ESPNL: variants seen among roughly 807,000 people sequenced by gnomAD.
The protein encoded by ESPNL is espin-like protein.
ESPNL carries 49 observed loss-of-function variants against 46.8 expected under a neutral mutation model. The ratio of observed to expected loss-of-function variants is 1.05; its 90% confidence interval spans 0.83 to 1.33. The LOEUF (loss-of-function observed/expected upper bound fraction) is 1.33. Ranked by LOEUF, ESPNL falls within the 40% of genes most tolerant of loss-of-function variation. The pLI, the probability that ESPNL is intolerant of heterozygous loss-of-function variation, is 0.00. For missense variants in ESPNL, 1,540 were observed against 1,436.6 expected (o/e 1.07, Z -1.16); for synonymous variants, 664 against 662.1 (o/e 1.00, Z -0.04).
At chr2:238,116,483 A>G (rs12692213) in intron 4 of ESPNL, among the ~76,000 whole-genome samples, 28,979 of 152,204 alleles carry the variant, frequency 0.19, 3,015 homozygotes, top group African/African-American at 0.27. Flanking sequence ...TGTGGCAGGA[A>G]GTAGCCCTGA....
In ESPNL at chr2:238,104,671, G is replaced by A. The variant is rs762448923; in HGVS notation, c.501G>A (p.Arg167=). The change falls in exon 3 of 9, where the codon CGG becomes CGA. Residue 167 remains arginine, a synonymous_variant. Coordinates refer to ENST00000343063, the MANE Select transcript of ESPNL (RefSeq NM_194312.4). ...TAAHGSSVNR[R]TRSGASPLYL... Reference sequence around the variant, plus strand: ...TTCCCTGCAGCAGCGTGAACCGGCGGACACGCAGTGGCGCCTCCCCACTCT... The same window carrying A: ...TTCCCTGCAGCAGCGTGAACCGGCGAACACGCAGTGGCGCCTCCCCACTCT... 10 of 1,596,818 alleles carry A rather than the reference G, an allele frequency of 6.3e-6. No individual in the cohort carries two copies. Among genetic ancestry groups the A allele is most frequent in the Admixed American group, 1.7e-5 (1 of 58,802 alleles).
Position 238,129,093 on chromosome 2 carries a change from C to T in ESPNL, c.1413+189C>T, listed in dbSNP as rs567316276. The T allele has an allele frequency of 5.6e-5, 79 of 1,422,732 alleles. No homozygotes were observed. In the African/African-American group the frequency reaches 1.0e-3, roughly 19 times the overall value. The allele number at this position is 1,422,732 out of a possible 1,614,324, so 88.1% of individuals were successfully genotyped here. A position where few individuals can be genotyped will look rare whatever the true frequency, so the allele number is the denominator to read the frequency against. On this transcript the variant is annotated intron_variant, in intron 8 of 8. Coordinates refer to ENST00000343063, the MANE Select transcript of ESPNL (RefSeq NM_194312.4). ...TGACCAGAGGACTCTGAGCAGAGCC[C>T]CTTCACCTGCTCTGGAGGCATGGGT...
rs1211633142 is a variant in ESPNL, at chr2:238,118,608, GTGGATGGAGGAGGGTGGATGGAGGAGGAA to G, written c.987+1587_987+1615del. Among the ~76,000 whole-genome samples the G allele has an allele frequency of 1.7e-3, 170 of 101,722 alleles. 1 individual carries two copies. The highest frequency in any genetic ancestry group is 5.6e-3 in the African/African-American group (162 of 29,082). The allele number at this position is 101,722 out of a possible 152,430, so 66.7% of individuals were successfully genotyped here. On this transcript the variant is annotated intron_variant, in intron 5 of 8. Transcript: ENST00000343063. ...GATGGAGAAGGGTGGATGGAAGAGG[GTGGATGGAGGAGGGTGGATGGAGGAGGAA>G]TGGATGGAGGAGAGTGGTTGGAGGA...
At position 238,125,819 on chromosome 2, in the gene ESPNL, T is replaced by C. The variant is rs565640280; in HGVS notation, c.1102+435T>C. Among the ~76,000 whole-genome samples, 6 of 102,554 alleles carry C rather than the reference T, an allele frequency of 5.9e-5. No individual in the cohort carries two copies. The East Asian group carries it at 1.6e-3, about 27-fold the overall frequency. The allele number at this position is 102,554 out of a possible 152,430, so 67.3% of individuals were successfully genotyped here. On this transcript the variant is annotated intron_variant, in intron 6 of 8. Transcript: ENST00000343063. ...GGAGTGGAGTGGAGTGGAATGGAAT[T>C]ATCAACAGGTGCCACAGGTAGTGAG... is the stretch of plus-strand genomic sequence containing the variant.
Position 238,132,043 on chromosome 2 carries a change from T to G in ESPNL, c.*311T>G. On this transcript the variant is annotated 3_prime_UTR_variant, in exon 9 of 9. Coordinates refer to ENST00000343063, the MANE Select transcript of ESPNL (RefSeq NM_194312.4). ...CCTGGGATGCTGCCTGTTTCTCACT[T>G]GTCCTTCCCCAGTGTCACCAGTTCC... The G allele has an allele frequency of 3.4e-6, 1 of 292,508 alleles. No homozygotes were observed. The highest frequency in any genetic ancestry group is 7.5e-5 in the South Asian group (1 of 13,322). 18.1% of individuals were successfully genotyped at this position (292,508 alleles called of 1,614,324 possible).
chr2:238,123,901 G>A (rs1468943821), intron 5 of ESPNL, among the ~76,000 whole-genome samples: 5 of 152,186 alleles, frequency 3.3e-5, no homozygotes, highest in African/African-American at 1.2e-4. Context: ...TCCTGGAGGG[G>A]AGGTGGCCGA....
intron 5 of ESPNL, among the ~76,000 whole-genome samples, chr2:238,119,332 GATGGAGGAGGGTGA>G (rs1378715978): frequency 2.0e-5 from 3 of 150,320 alleles, no homozygotes; most frequent in Admixed American, 6.6e-5. Flanking sequence ...GGAGGAGGTG[GATGGAGGAGGGTGA>G]ATGGAGGAGG....
intron 5 of ESPNL, among the ~76,000 whole-genome samples, chr2:238,119,887 G>A (rs1691948848): frequency 6.6e-6 from 1 of 152,010 alleles, no homozygotes; most frequent in Non-Finnish European, 1.5e-5. Flanking sequence ...CCCCACCCCA[G>A]CCCCTGGGGC....
Position 238,128,763 on chromosome 2 carries a change from G to C in ESPNL, c.1272G>C (p.Leu424=). ...CAGATGGCCTGGCCGCACTACAGCT[G>C]GATGGGCTGCCCTCAGGCGACATCG... is the stretch of plus-strand genomic sequence containing the variant. ...DTSDGLAALQ[L]DGLPSGDIDG... is the part of the protein sequence containing the mutation. Residue 424 remains leucine (L), a synonymous_variant, in exon 8 of 9, where the codon CTG becomes CTC. Coordinates refer to ENST00000343063, the MANE Select transcript of ESPNL (RefSeq NM_194312.4). The C allele has an allele frequency of 3.1e-6, 5 of 1,595,558 alleles. No individual in the cohort carries two copies. Among genetic ancestry groups the C allele is most frequent in the Non-Finnish European group, 4.3e-6 (5 of 1,172,020 alleles).
At position 238,130,559 on chromosome 2, in the gene ESPNL, G is replaced by A. The variant is rs575755196; in HGVS notation, c.1845G>A (p.Gln615=). 64 of 1,586,644 alleles carry A rather than the reference G, an allele frequency of 4.0e-5. 1 individual carries two copies. In the East Asian group the frequency reaches 1.3e-3, roughly 32 times the overall value. ...TGAAGGGCGTGCATGGGCTAGTACA[G>A]GGGGATGAGAAGCCATCCACCCGGC... is the stretch of plus-strand genomic sequence containing the variant. ...LLLKGVHGLV[Q]GDEKPSTRPL... The change falls in exon 9 of 9, where the codon CAG becomes CAA. Residue 615 remains glutamine (Q), a synonymous_variant. Coordinates refer to ENST00000343063, the MANE Select transcript of ESPNL (RefSeq NM_194312.4).
rs749131183 is a variant in ESPNL at position 238,128,910 on chromosome 2, C to T, written c.1413+6C>T. 66 of 1,534,778 alleles carry T rather than the reference C, an allele frequency of 4.3e-5. No individual in the cohort carries two copies. In the Middle Eastern group the frequency reaches 1.6e-3, roughly 36 times the overall value. On this transcript the variant is annotated splice_donor_region_variant and intron_variant, in intron 8 of 8. Transcript: ENST00000343063. ...AGAGCTCCGCAGAGGCCCAGGTAGG[C>T]CCCCGGCAGGGGCGGGACCAGTGGG...
At chr2:238,126,224 G>GTGTGTGTT (rs777975942) in intron 6 of ESPNL, among the ~76,000 whole-genome samples, 1 of 46,500 alleles carries the variant, frequency 2.2e-5, no homozygotes, top group African/African-American at 2.4e-4. Context: ...GATTGTGTCT[G>GTGTGTGTT]TGTCTGTATT....
chr2:238,131,386 C>T lies in ESPNL; in HGVS notation c.2672C>T (p.Thr891Ile), dbSNP rs1296681950. The T allele has an allele frequency of 6.2e-7, 1 of 1,605,320 alleles. No individual in the cohort carries two copies. The highest frequency in any genetic ancestry group is 1.3e-5 in the African/African-American group (1 of 74,820). Residue 891 changes from threonine (T) to isoleucine (I), a missense_variant, in exon 9 of 9, where the codon ACC (threonine) becomes ATC (isoleucine). By Grantham distance (89) the Thr-to-Ile change is moderately conservative. Transcript: ENST00000343063. ...LCFEVFEHLGTHGWEAVRAFH... is the reference protein window; with the variant it reads ...LCFEVFEHLGIHGWEAVRAFH... ...TTCGAGGTCTTCGAGCACCTGGGCA[C>T]CCACGGCTGGGAGGCTGTGCGCGCC... is the stretch of plus-strand genomic sequence containing the variant.
At chr2:238,105,242 G>GC (rs980016695) in intron 3 of ESPNL, among the ~76,000 whole-genome samples, 4 of 152,104 alleles carry the variant, frequency 2.6e-5, no homozygotes, top group Non-Finnish European at 5.9e-5. Context: ...CCCCAGGCCA[G>GC]CCCCCACCTT....
At chr2:238,128,606 G>A (rs1482596220) in intron 7 of ESPNL, 101 bp from the exon 8 acceptor site, 20 of 1,157,040 alleles carry the variant, frequency 1.7e-5, no homozygotes, top group Non-Finnish European at 2.4e-5. Flanking sequence ...CCCTGTTAGC[G>A]TGCCCTGGGC....
chr2:238,105,512 CA>C (rs58809990), intron 3 of ESPNL, among the ~76,000 whole-genome samples: 32,954 of 97,872 alleles, frequency 0.34, 4,734 homozygotes, highest in Non-Finnish European at 0.43. Context: ...GACTCTGTCT[CA>C]AAAAAAAAAA....
rs1692375319 is a variant in ESPNL, at chr2:238,132,921, C to G, written c.*1189C>G. The stretch of plus-strand genomic sequence containing the variant: ...CTCCTGGCATCCAGGCCCCCTGGGA[C>G]AGAGGAGGGTGCAGTCAGGCGACAG... On this transcript the variant is annotated 3_prime_UTR_variant, in exon 9 of 9. Coordinates refer to ENST00000343063, the MANE Select transcript of ESPNL (RefSeq NM_194312.4). 6.6e-6 allele frequency: 1 copy of G among 152,254 alleles called. No individual in the cohort carries two copies. Among genetic ancestry groups the G allele is most frequent in the Non-Finnish European group, 1.5e-5 (1 of 68,078 alleles). The allele number at this position is 152,254 out of a possible 1,614,324, so 9.4% of individuals were successfully genotyped here.
chr2:238,129,815 G>T (rs1275226826), intron 8 of ESPNL, among the ~76,000 whole-genome samples: 1 of 152,248 alleles, frequency 6.6e-6, no homozygotes, highest in African/African-American at 2.4e-5. Flanking sequence ...AGCCACAGGT[G>T]GCTCCTGGCT....
intron 5 of ESPNL, among the ~76,000 whole-genome samples, chr2:238,117,902 G>A (rs1470949574): frequency 5.9e-5 from 9 of 152,164 alleles, no homozygotes; most frequent in Admixed American, 5.9e-4. Context: ...GTGGACAGAG[G>A]AGAGATGGGT....
Sources: allele counts gnomAD v4.1 joint callset (sites outside exome capture counted in the v4.1 genomes callset), GRCh38; gene constraint gnomAD v4.1.1; transcripts MANE v1.5; gene names NCBI Gene and HGNC (gene_info 2026-07-23, HGNC 2026-07-21).